RNF144B: variants seen among roughly 807,000 people sequenced by gnomAD.
RNF144B encodes the protein ring finger protein 144B.
Under a neutral mutation model 40.2 loss-of-function variants are expected in RNF144B, and 25 were observed. The ratio of observed to expected loss-of-function variants is 0.62; its 90% CI spans 0.45 to 0.87. RNF144B has a LOEUF of 0.87. Among genes scored for constraint, RNF144B ranks in the 40% least tolerant of loss-of-function variants. RNF144B has a pLI of 0.00. For missense variants in RNF144B, 365 were observed against 373.7 expected (o/e 0.98, Z 0.19); for synonymous variants, 145 against 136.3 (o/e 1.06, Z -0.44).
At chr6:18,463,417 AATCGTGATGGCTT>A (rs1461115330) in intron 7 of RNF144B, 37 bp downstream of exon 7, 1 of 1,222,678 alleles carries the variant, frequency 8.2e-7, no homozygotes, top group Non-Finnish European at 1.2e-6. Context: ...CATAAACCAA[AATCGTGATGGCTT>A]AAAGAGCCCA....
At chr6:18,431,777 A>T (rs1382963416) in intron 3 of RNF144B, among the ~76,000 whole-genome samples, 1 of 152,246 alleles carries the variant, frequency 6.6e-6, no homozygotes, top group Non-Finnish European at 1.5e-5. Context: ...AAAGGATGGC[A>T]GGAATGTAAG....
In RNF144B at chr6:18,418,237, C is replaced by A. The variant is rs1388300126; in HGVS notation, c.166-9344C>A. Among the ~76,000 whole-genome samples, 1 of 152,140 alleles carries A rather than the reference C, an allele frequency of 6.6e-6. No homozygotes were observed. The highest frequency in any genetic ancestry group is 1.9e-4 in the East Asian group (1 of 5,194). Reference sequence around the variant, plus strand: ...ACCATACCTACTCCTAGGTAAATATCCAAGAGAAACGAAAATGTATGTCCA... The same window carrying A: ...ACCATACCTACTCCTAGGTAAATATACAAGAGAAACGAAAATGTATGTCCA... On this transcript the variant is annotated intron_variant, in intron 2 of 7. Transcript: ENST00000259939. The surrounding 1 kb of genome is among the most constrained non-coding windows in gnomAD (Gnocchi z 5.2).
At position 18,419,887 on chromosome 6, in the gene RNF144B, G is replaced by A. The variant is rs1795221599; in HGVS notation, c.166-7694G>A. Among the ~76,000 whole-genome samples, 1 of 152,138 alleles carries A rather than the reference G, an allele frequency of 6.6e-6. No homozygotes were observed. Among genetic ancestry groups the A allele is most frequent in the Non-Finnish European group, 1.5e-5 (1 of 68,006 alleles). On this transcript the variant is annotated intron_variant, in intron 2 of 7. Transcript: ENST00000259939. The surrounding 1 kb of genome is among the most constrained non-coding windows in gnomAD (Gnocchi z 4.6). ...ATTAGGATATTTTGAACATGTTCAAGTATAGACAGGACAAAATTCAAGACA... is the reference window on the plus strand; with the variant it reads ...ATTAGGATATTTTGAACATGTTCAAATATAGACAGGACAAAATTCAAGACA...
chr6:18,435,099 C>T (rs1369517219), intron 3 of RNF144B, among the ~76,000 whole-genome samples: 1 of 152,084 alleles, frequency 6.6e-6, no homozygotes, highest in Non-Finnish European at 1.5e-5. Flanking sequence ...GGTGTTTTCC[C>T]CCACCTTTGG....
chr6:18,431,934 G>A (rs1456561188), intron 3 of RNF144B, among the ~76,000 whole-genome samples: 4 of 152,116 alleles, frequency 2.6e-5, no homozygotes, highest in Admixed American at 6.6e-5. Context: ...CCTTAGTGAC[G>A]CACTTAATGC....
Position 18,458,822 on chromosome 6 carries a change from C to A in RNF144B, c.537-785C>A, listed in dbSNP as rs141597277. 6.6e-6 allele frequency among the ~76,000 whole-genome samples: 1 copy of A among 152,198 alleles called. No individual in the cohort carries two copies. Among genetic ancestry groups the A allele is most frequent in the African/African-American group, 2.4e-5 (1 of 41,444 alleles). ...TATGTTTATTGGTTAAGCATCCTTA[C>A]TCTGAATACCAGGAGTCAGAAAGGC... On this transcript the variant is annotated intron_variant, in intron 5 of 7. Transcript: ENST00000259939. The surrounding 1 kb of genome is among the most constrained non-coding windows in gnomAD (Gnocchi z 4.8).
intron 2 of RNF144B, among the ~76,000 whole-genome samples, chr6:18,423,681 G>A (rs372531305): frequency 2.0e-5 from 3 of 152,090 alleles, no homozygotes; most frequent in Non-Finnish European, 4.4e-5. Context: ...AATATGAGTC[G>A]TCTGGTTCAC....
At chr6:18,445,477 C>T (rs940084169) in intron 4 of RNF144B, among the ~76,000 whole-genome samples, 17 of 152,228 alleles carry the variant, frequency 1.1e-4, no homozygotes, top group African/African-American at 2.9e-4. Context: ...TTTCTTGCCT[C>T]GCATAATTTA....
intron 1 of RNF144B, among the ~76,000 whole-genome samples, chr6:18,389,762 C>A (rs1255063535): frequency 6.6e-6 from 1 of 152,196 alleles, no homozygotes; most frequent in African/African-American, 2.4e-5. Context: ...AAGGGCCAAG[C>A]TGCCAGACAA....
rs1315638139 is a variant in RNF144B, at chr6:18,400,263, ACT to A, written c.165+567_165+568del. Among the ~76,000 whole-genome samples, 1 of 137,450 alleles carries A rather than the reference ACT, an allele frequency of 7.3e-6. No homozygotes were observed. The allele number at this position is 137,450 out of a possible 152,430, so 90.2% of individuals were successfully genotyped here. On this transcript the variant is annotated intron_variant, in intron 2 of 7. Coordinates refer to ENST00000259939, the MANE Select transcript of RNF144B (RefSeq NM_182757.4). This position sits in a 1 kb window ranked among gnomAD's most constrained non-coding sequence, Gnocchi z 5.6. ...ACTCCAGCCTGGGCGACAGAGCGAG[ACT>A]CTGTCTCAAAAAAAAAAAAAAAAAT...
rs1203405641 is a variant in RNF144B, at chr6:18,419,901, A to G, written c.166-7680A>G. Among the ~76,000 whole-genome samples, 2 of 152,216 alleles carry G rather than the reference A, an allele frequency of 1.3e-5. No homozygotes were observed. Among genetic ancestry groups the G allele is most frequent in the Non-Finnish European group, 2.9e-5 (2 of 68,030 alleles). On this transcript the variant is annotated intron_variant, in intron 2 of 7. Coordinates refer to ENST00000259939, the MANE Select transcript of RNF144B (RefSeq NM_182757.4). The surrounding 1 kb of genome is among the most constrained non-coding windows in gnomAD (Gnocchi z 4.6). ...AACATGTTCAAGTATAGACAGGACA[A>G]AATTCAAGACATAGGAAAGAAAACA...
At position 18,399,667 on chromosome 6, in the gene RNF144B, C is replaced by G; in HGVS notation, c.133C>G (p.Leu45Val). ...GCAGTCTCTGGACAAGATGACCACA[C>G]TCCAGGAATGCCAGTGCATCTTTTG... ...CEQSLDKMTT[L>V]QECQCIFCTA... The change falls in exon 2 of 8, where the codon CTC becomes GTC. Residue 45 changes from leucine (L) to valine (V), a missense_variant. Transcript: ENST00000259939. 1.2e-6 allele frequency: 2 copies of G among 1,614,108 alleles called. No homozygotes were observed. Among genetic ancestry groups the G allele is most frequent in the South Asian group, 2.2e-5 (2 of 91,078 alleles).
intron 1 of RNF144B, among the ~76,000 whole-genome samples, chr6:18,397,950 C>G (rs1794724582): frequency 6.6e-6 from 1 of 151,990 alleles, no homozygotes; most frequent in Non-Finnish European, 1.5e-5. Context: ...TCATCCCAAG[C>G]AGAAACTCTG....
In RNF144B at chr6:18,399,613, C is replaced by T. The variant is rs1242319204; in HGVS notation, c.79C>T (p.Leu27Phe). Residue 27 changes from leucine (L) to phenylalanine (F), a missense_variant, in exon 2 of 8, where the codon CTC (leucine) becomes TTC (phenylalanine). Leu to Phe is a conservative substitution (Grantham distance 22). Transcript: ENST00000259939. ...TCCTGGAGACCTGGCTCCGGCCCCC[C>T]TCATCACTTGCAAACTCTGCCTGTG... ...PTPGDLAPAPLITCKLCLCEQ... is the reference protein window; with the variant it reads ...PTPGDLAPAPFITCKLCLCEQ... The T allele has an allele frequency of 3.1e-6, 5 of 1,614,072 alleles. No individual in the cohort carries two copies. In the East Asian group the frequency reaches 8.9e-5, roughly 29 times the overall value.
In RNF144B at chr6:18,456,300, A is replaced by G. The variant is rs1759324599; in HGVS notation, c.332-855A>G. Among the ~76,000 whole-genome samples the G allele has an allele frequency of 1.3e-5, 2 of 152,180 alleles. No individual in the cohort carries two copies. Among genetic ancestry groups the G allele is most frequent in the African/African-American group, 4.8e-5 (2 of 41,452 alleles). On this transcript the variant is annotated intron_variant, in intron 4 of 7. Coordinates refer to ENST00000259939, the MANE Select transcript of RNF144B (RefSeq NM_182757.4). This position sits in a 1 kb window ranked among gnomAD's most constrained non-coding sequence, Gnocchi z 4.7. ...AATATCCAAACTGACAGGTAATCCA[A>G]CTTCTTGGCTAAGCCACACCAGATA...
rs1322671498 is a variant in RNF144B at position 18,468,756 on chromosome 6, A to G, written c.*3689A>G. ...AGGCTATTATGTCTCATGTTGATTC[A>G]TGATCCAGGAAGTTTTATGTATTTA... On this transcript the variant is annotated 3_prime_UTR_variant, in exon 8 of 8. Coordinates refer to ENST00000259939, the MANE Select transcript of RNF144B (RefSeq NM_182757.4). 1 of 152,186 alleles carries G rather than the reference A, an allele frequency of 6.6e-6. No homozygotes were observed. The highest frequency in any genetic ancestry group is 1.5e-5 in the Non-Finnish European group (1 of 68,036). 9.4% of individuals were successfully genotyped at this position (152,186 alleles called of 1,614,324 possible).
chr6:18,468,364 G>A lies in RNF144B; in HGVS notation c.*3297G>A. On this transcript the variant is annotated 3_prime_UTR_variant, in exon 8 of 8. Coordinates refer to ENST00000259939, the MANE Select transcript of RNF144B (RefSeq NM_182757.4). Reference sequence around the variant, plus strand: ...GGCATCCTATTTGTTCATGCCATGGGTATTTGCTTTGGACTTGGAGTCTGT... The same window carrying A: ...GGCATCCTATTTGTTCATGCCATGGATATTTGCTTTGGACTTGGAGTCTGT... 6.6e-6 allele frequency: 1 copy of A among 152,176 alleles called. No homozygotes were observed. Among genetic ancestry groups the A allele is most frequent in the Non-Finnish European group, 1.5e-5 (1 of 68,038 alleles). 9.4% of individuals were successfully genotyped at this position (152,176 alleles called of 1,614,324 possible).
intron 3 of RNF144B, among the ~76,000 whole-genome samples, chr6:18,428,745 C>T (rs1311550542): frequency 6.6e-6 from 1 of 152,198 alleles, no homozygotes; most frequent in Admixed American, 6.5e-5. Flanking sequence ...CTAATCCTCT[C>T]AACAGACCTC....
chr6:18,465,118 A>G lies in RNF144B; in HGVS notation c.*51A>G. The G allele has an allele frequency of 6.3e-7, 1 of 1,593,180 alleles. No individual in the cohort carries two copies. The highest frequency in any genetic ancestry group is 1.1e-5 in the South Asian group (1 of 89,216). On this transcript the variant is annotated 3_prime_UTR_variant, in exon 8 of 8. Coordinates refer to ENST00000259939, the MANE Select transcript of RNF144B (RefSeq NM_182757.4). ...ATATGTGAGTTACATGAGATGGCAC[A>G]GTGATAAAGCCCCATTTAGTGACCT...
Sources: gnomAD v4.1 joint callset for allele counts (sites outside exome capture counted in the v4.1 genomes callset) on GRCh38, gnomAD v4.1.1 for gene constraint, Gnocchi (gnomAD v3.1) non-coding constraint, MANE v1.5 for transcripts, NCBI Gene and HGNC (gene_info 2026-07-23, HGNC 2026-07-21) for gene names.